The following ERC1 variants were observed in gnomAD, a reference collection of about 807,000 sequenced individuals.
The protein encoded by ERC1 is ELKS/RAB6-interacting/CAST family member 1, also known as RAB6 interacting protein 2.
A neutral mutation model predicts 132.0 loss-of-function variants in ERC1; 56 were observed. The ratio of observed to expected loss-of-function variants is 0.42; its 90% CI spans 0.34 to 0.53. ERC1 has a LOEUF of 0.53. Among genes scored for constraint, ERC1 ranks in the 20% least tolerant of loss-of-function variants. The pLI, the probability that ERC1 is intolerant of heterozygous loss-of-function variation, is 0.03. For synonymous variants in ERC1, 478 were observed against 476.1 expected (o/e 1.00, Z -0.05); for missense variants, 1,202 against 1,349.9 (o/e 0.89, Z 1.72).
intron 13 of ERC1, among the ~76,000 whole-genome samples, chr12:1,243,495 G>A (rs2075968432): frequency 6.6e-6 from 1 of 152,082 alleles, no homozygotes; most frequent in Non-Finnish European, 1.5e-5. Context: ...TCCTACTGTA[G>A]GGATGTAATG....
At chr12:1,014,111 G>A (rs368905135) in intron 1 of ERC1, among the ~76,000 whole-genome samples, 11 of 151,844 alleles carry the variant, frequency 7.2e-5, no homozygotes, top group Non-Finnish European at 1.0e-4. Context: ...AATTAGTGCC[G>A]AATGGTTGTG....
chr12:1,483,130 C>G (rs984386588), intron 18 of ERC1, among the ~76,000 whole-genome samples: 3 of 152,112 alleles, frequency 2.0e-5, no homozygotes, highest in Non-Finnish European at 4.4e-5. Context: ...AACCCCATCT[C>G]TACAAAAAAA....
intron 17 of ERC1, among the ~76,000 whole-genome samples, chr12:1,418,666 TTTTC>T (rs202159587): frequency 0.31 from 27,065 of 86,418 alleles, 5,106 homozygotes; most frequent in Non-Finnish European, 0.38. Flanking sequence ...TCTCTCTTTC[TTTTC>T]TTTCTTTCTT....
intron 11 of ERC1, among the ~76,000 whole-genome samples, chr12:1,186,775 A>G (rs1955141357): frequency 6.6e-6 from 1 of 152,238 alleles, no homozygotes; most frequent in Admixed American, 6.5e-5. Flanking sequence ...TATGGACAGA[A>G]GAAATGCTTA....
Position 1,111,897 on chromosome 12 carries a change from C to T in ERC1, c.1318-318C>T, listed in dbSNP as rs74057023. 9.3e-3 allele frequency among the ~76,000 whole-genome samples: 1,416 copies of T among 152,252 alleles called. 20 individuals carry two copies. The highest frequency in any genetic ancestry group is 0.031 in the African/African-American group (1,288 of 41,534). The stretch of plus-strand genomic sequence containing the variant: ...GCTGGGATATAATCATAGGTGTGAG[C>T]TGCTGCGCCTGGCCTCACATAACCA... On this transcript the variant is annotated intron_variant, in intron 5 of 18. Coordinates refer to ENST00000360905, the MANE Select transcript of ERC1 (RefSeq NM_178040.4).
At chr12:1,166,469 G>T (rs1485514165) in intron 8 of ERC1, among the ~76,000 whole-genome samples, 1 of 152,138 alleles carries the variant, frequency 6.6e-6, no homozygotes, top group African/African-American at 2.4e-5. Context: ...GCATGAAAAT[G>T]GACAAATACA....
At chr12:1,040,461 C>G (rs1223329798) in intron 2 of ERC1, among the ~76,000 whole-genome samples, 1 of 151,958 alleles carries the variant, frequency 6.6e-6, no homozygotes, top group African/African-American at 2.4e-5. Context: ...CACCCACCAC[C>G]ATGCCCGGCT....
Position 1,034,630 on chromosome 12 carries a change from G to A in ERC1, c.669+6058G>A, listed in dbSNP as rs142142171. On this transcript the variant is annotated intron_variant, in intron 2 of 18. Transcript: ENST00000360905. ...TTATACCTGGAATTAGCTAGTCACC[G>A]TTATACCTTGTTGATGATGCTGAAA... Among the ~76,000 whole-genome samples, 547 of 152,180 alleles carry A rather than the reference G, an allele frequency of 3.6e-3. 4 individuals are homozygous for A. The highest frequency in any genetic ancestry group is 4.9e-3 in the Non-Finnish European group (335 of 68,018).
At chr12:1,130,632 C>CTTTTT (rs201618993) in intron 7 of ERC1, among the ~76,000 whole-genome samples, 2 of 147,178 alleles carry the variant, frequency 1.4e-5, no homozygotes, top group East Asian at 2.0e-4. Flanking sequence ...AACGTATAGT[C>CTTTTT]TTTTTTTTTT....
intron 2 of ERC1, among the ~76,000 whole-genome samples, chr12:1,046,249 A>G (rs1387312615): frequency 6.6e-6 from 1 of 152,164 alleles, no homozygotes; most frequent in Non-Finnish European, 1.5e-5. Flanking sequence ...GAAAATACAG[A>G]TTTTAACTTT....
intron 15 of ERC1, among the ~76,000 whole-genome samples, chr12:1,370,764 C>A (rs983414423): frequency 6.6e-6 from 1 of 152,100 alleles, no homozygotes; most frequent in Admixed American, 6.5e-5. Context: ...CTTTGTCACC[C>A]ATGCTGGAGT....
In ERC1 at chr12:1,083,530, C is replaced by T; in HGVS notation, c.1036C>T (p.Leu346=). 2 of 1,611,856 alleles carry T rather than the reference C, an allele frequency of 1.2e-6. No individual in the cohort carries two copies. The highest frequency in any genetic ancestry group is 1.1e-5 in the South Asian group (1 of 90,612). Residue 346 remains leucine (L), a synonymous_variant, in exon 3 of 19, where the codon CTA becomes TTA. Coordinates refer to ENST00000360905, the MANE Select transcript of ERC1 (RefSeq NM_178040.4). ...LAEAEMHVHH[L]ESLLEQKEKE... is the part of the protein sequence containing the mutation. ...AGAGGCAGAGATGCACGTTCATCAC[C>T]TAGAAAGCCTTTTGGAGCAGAAGGA...
In ERC1 at chr12:1,348,706, A is replaced by G. The variant is rs537510227; in HGVS notation, c.2781-23127A>G. Among the ~76,000 whole-genome samples, 477 of 151,954 alleles carry G rather than the reference A, an allele frequency of 3.1e-3. 1 individual carries two copies. The highest frequency in any genetic ancestry group is 5.4e-3 in the Non-Finnish European group (367 of 67,944). On this transcript the variant is annotated intron_variant, in intron 15 of 18. Transcript: ENST00000360905. The stretch of plus-strand genomic sequence containing the variant: ...AAGACTCCATCTAAAAAAAAAAAAA[A>G]GTATAATGTCTCACAATATAATGCA...
chr12:1,156,642 A>C (rs1413777176), intron 8 of ERC1, among the ~76,000 whole-genome samples: 1 of 152,166 alleles, frequency 6.6e-6, no homozygotes, highest in African/African-American at 2.4e-5. Flanking sequence ...ATCCACCAAG[A>C]GTTTTCCACT....
chr12:1,102,641 A>G (rs1226435205), intron 3 of ERC1, among the ~76,000 whole-genome samples: 1 of 152,206 alleles, frequency 6.6e-6, no homozygotes, highest in Admixed American at 6.5e-5. Context: ...TGTGGCAGCT[A>G]CTGTTGTAGG....
intron 18 of ERC1, among the ~76,000 whole-genome samples, chr12:1,455,056 C>G (rs531122776): frequency 1.4e-4 from 22 of 152,254 alleles, no homozygotes; most frequent in African/African-American, 4.8e-4. Flanking sequence ...CTTGACCCAG[C>G]ACTAAGAAAA....
Position 1,025,402 on chromosome 12 carries a change from C to A in ERC1, c.-156-2346C>A, listed in dbSNP as rs769430972. Among the ~76,000 whole-genome samples the A allele has an allele frequency of 2.0e-3, 302 of 152,220 alleles. 1 individual carries two copies. Among genetic ancestry groups the A allele is most frequent in the Non-Finnish European group, 2.8e-3 (189 of 68,016 alleles). On this transcript the variant is annotated intron_variant, in intron 1 of 18. Transcript: ENST00000360905. ...TTATACTTATGTTCACTGTATTTTTCACCTAGCTTTTGGTTTATCTTTTAA... is the reference window on the plus strand; with the variant it reads ...TTATACTTATGTTCACTGTATTTTTAACCTAGCTTTTGGTTTATCTTTTAA...
intron 15 of ERC1, among the ~76,000 whole-genome samples, chr12:1,329,255 C>T (rs2154357201): frequency 7.0e-6 from 1 of 142,446 alleles, no homozygotes; most frequent in African/African-American, 2.7e-5. Flanking sequence ...GATCACGCCA[C>T]TGCACTTCAG....
chr12:1,456,188 A>C (rs1364059105), intron 18 of ERC1, among the ~76,000 whole-genome samples: 3 of 152,192 alleles, frequency 2.0e-5, no homozygotes, highest in Non-Finnish European at 2.9e-5. Flanking sequence ...TTTGGGGCGT[A>C]ATATTGTTCT....
Sources: gnomAD v4.1 joint callset for allele counts (sites outside exome capture counted in the v4.1 genomes callset) on GRCh38, gnomAD v4.1.1 for gene constraint, MANE v1.5 for transcripts, NCBI Gene and HGNC (gene_info 2026-07-23, HGNC 2026-07-21) for gene names.